FAF1: variants seen among roughly 807,000 people sequenced by gnomAD.
The protein encoded by FAF1 is FAS-associated factor 1.
FAF1 carries 25 observed loss-of-function variants against 92.5 expected under a neutral mutation model. That is an observed-to-expected ratio of 0.27 (90% CI 0.20 to 0.38). The LOEUF (loss-of-function observed/expected upper bound fraction) is 0.38. Ranked by LOEUF, FAF1 falls within the 10% of genes least tolerant of loss-of-function variation. The pLI, the probability that FAF1 is intolerant of heterozygous loss-of-function variation, is 1.00. For synonymous variants in FAF1, 234 were observed against 273.2 expected, an observed-to-expected ratio of 0.86 and a Z score of 1.42; for missense variants, 636 against 793.3, an observed-to-expected ratio of 0.80 and a Z score of 2.38.
At chr1:50,808,245 A>C (rs749016850) in intron 2 of FAF1, among the ~76,000 whole-genome samples, 3 of 152,220 alleles carry the variant, frequency 2.0e-5, no homozygotes, top group Non-Finnish European at 4.4e-5. Flanking sequence ...CTGACTTACC[A>C]GAACTCCTTA....
intron 13 of FAF1, among the ~76,000 whole-genome samples, chr1:50,542,897 G>A (rs891877120): frequency 4.6e-5 from 7 of 152,102 alleles, no homozygotes; most frequent in African/African-American, 1.2e-4. Context: ...GGGAGAGAAG[G>A]ATGAAGGAAG....
At chr1:50,670,761 G>A (rs1028137960) in intron 7 of FAF1, among the ~76,000 whole-genome samples, 43 of 151,974 alleles carry the variant, frequency 2.8e-4, no homozygotes, top group Admixed American at 5.3e-4. Flanking sequence ...GCAAAACCCC[G>A]TCTCTATAAA....
intron 9 of FAF1, 43 bp downstream of exon 9, chr1:50,596,078 G>C (rs774001557): frequency 7.5e-7 from 1 of 1,338,948 alleles, no homozygotes; most frequent in South Asian, 1.2e-5. Flanking sequence ...GGTAGGTGGG[G>C]GATGGGCCTT....
intron 2 of FAF1, among the ~76,000 whole-genome samples, chr1:50,832,665 T>C (rs958180461): frequency 2.0e-5 from 3 of 152,164 alleles, no homozygotes; most frequent in Admixed American, 6.5e-5. Context: ...CAAGTAAGGA[T>C]AGTTATTTGT....
intron 13 of FAF1, among the ~76,000 whole-genome samples, chr1:50,563,539 T>G (rs773517669): frequency 6.6e-6 from 1 of 152,118 alleles, no homozygotes; most frequent in African/African-American, 2.4e-5. Context: ...CCCAAAAGAC[T>G]GTACAATATT....
intron 8 of FAF1, chr1:50,612,424 T>A: frequency 8.7e-7 from 1 of 1,148,910 alleles, no homozygotes. Context: ...ACTGTATTAA[T>A]CAGTGGTCAT....
chr1:50,644,539 A>C (rs1458251077), intron 8 of FAF1, among the ~76,000 whole-genome samples: 1 of 152,194 alleles, frequency 6.6e-6, no homozygotes, highest in Non-Finnish European at 1.5e-5. Context: ...GCTTTGCAAA[A>C]TATAGCCGCT....
chr1:50,649,766 C>A (rs114000679), intron 8 of FAF1, among the ~76,000 whole-genome samples: 1,854 of 144,402 alleles, frequency 0.013, 35 homozygotes, highest in African/African-American at 0.046. Flanking sequence ...CTTATGAAAC[C>A]GCGTCTCTAC....
At chr1:50,757,541 AG>A (rs1337820521) in intron 4 of FAF1, among the ~76,000 whole-genome samples, 91 of 152,316 alleles carry the variant, frequency 6.0e-4, no homozygotes, top group African/African-American at 2.1e-3. Flanking sequence ...TCCAGAGTCT[AG>A]CTCATCCCAT....
chr1:50,952,112 T>C (rs1036988857), intron 1 of FAF1, among the ~76,000 whole-genome samples: 9 of 152,162 alleles, frequency 5.9e-5, no homozygotes, highest in African/African-American at 2.2e-4. Context: ...TTCTACGGTC[T>C]CCATCTCCCT....
intron 13 of FAF1, among the ~76,000 whole-genome samples, chr1:50,556,592 T>C (rs780220273): frequency 9.2e-5 from 14 of 152,044 alleles, no homozygotes; most frequent in Admixed American, 9.2e-4. Flanking sequence ...TCCCAGCACT[T>C]TGGGAGGCTG....
At chr1:50,748,491 C>CAAAAAAAAAAAA (rs11346307) in intron 4 of FAF1, among the ~76,000 whole-genome samples, 1 of 127,676 alleles carries the variant, frequency 7.8e-6, no homozygotes, top group African/African-American at 2.9e-5. Flanking sequence ...AACTCTGTCT[C>CAAAAAAAAAAAA]AAAAAAAAAA....
chr1:50,771,791 C>A (rs1284377014), intron 4 of FAF1, among the ~76,000 whole-genome samples: 1 of 152,164 alleles, frequency 6.6e-6, no homozygotes, highest in African/African-American at 2.4e-5. Context: ...ATCCCAGCTA[C>A]TCAAGAGGCT....
chr1:50,878,438 T>G (rs1348979901), intron 1 of FAF1, among the ~76,000 whole-genome samples: 1 of 152,186 alleles, frequency 6.6e-6, no homozygotes, highest in African/African-American at 2.4e-5. Flanking sequence ...CACAGAAACA[T>G]CTGCTGTGGG....
At chr1:50,567,723 C>G (rs1650236543) in intron 12 of FAF1, among the ~76,000 whole-genome samples, 1 of 151,976 alleles carries the variant, frequency 6.6e-6, no homozygotes, top group Non-Finnish European at 1.5e-5. Context: ...GGTCTGAAAT[C>G]AAGTTTTCTT....
At chr1:50,520,174 T>C (rs549353958) in intron 15 of FAF1, among the ~76,000 whole-genome samples, 1 of 152,202 alleles carries the variant, frequency 6.6e-6, no homozygotes, top group Non-Finnish European at 1.5e-5. Flanking sequence ...CTTATTGCCA[T>C]TGCTGTTTTT....
chr1:50,902,915 C>T (rs1055393769), intron 1 of FAF1, among the ~76,000 whole-genome samples: 2 of 152,132 alleles, frequency 1.3e-5, no homozygotes, highest in Non-Finnish European at 1.5e-5. Flanking sequence ...CCTACATTAA[C>T]TCATTTGTGG....
At chr1:50,747,900 T>C (rs747389437) in intron 4 of FAF1, among the ~76,000 whole-genome samples, 18 of 152,170 alleles carry the variant, frequency 1.2e-4, no homozygotes, top group Non-Finnish European at 2.5e-4. Context: ...GCGCTGGCAA[T>C]GTGACGATGT....
chr1:50,481,599 G>A (rs1019135615), intron 17 of FAF1, among the ~76,000 whole-genome samples: 8 of 152,046 alleles, frequency 5.3e-5, no homozygotes, highest in African/African-American at 1.5e-4. Context: ...GCACATCAAC[G>A]GAATTGCCAA....
Sources: allele counts gnomAD v4.1 joint callset (sites outside exome capture counted in the v4.1 genomes callset), GRCh38; gene constraint gnomAD v4.1.1; transcripts MANE v1.5; gene names NCBI Gene and HGNC (gene_info 2026-07-23, HGNC 2026-07-21).